The following CYP4F8 variants were observed in gnomAD, a reference collection of about 807,000 sequenced individuals.
The protein encoded by CYP4F8 is cytochrome P450 family 4 subfamily F member 8.
CYP4F8 carries 56 observed loss-of-function variants against 55.0 expected under a neutral mutation model. The observed-to-expected ratio is 1.02, with a 90% CI of 0.82 to 1.27. The LOEUF (loss-of-function observed/expected upper bound fraction) is 1.27. Among genes scored for constraint, CYP4F8 ranks in the 50% most tolerant of loss-of-function variants. The pLI is 0.00. For synonymous variants in CYP4F8, 288 were observed against 267.3 expected (o/e 1.08, Z -0.76); for missense variants, 680 against 682.4 (o/e 1.00, Z 0.04).
intron 2 of CYP4F8, 74 bp downstream of exon 2, chr19:15,615,888 C>A: frequency 1.2e-6 from 1 of 845,384 alleles, no homozygotes; most frequent in Non-Finnish European, 1.7e-6. Context: ...AGGGGGTGGG[C>A]TCGGGTCTGG....
rs143328598 is a variant in CYP4F8 at position 15,629,539 on chromosome 19, C to T, written c.*181C>T. 3 of 864,842 alleles carry T rather than the reference C, an allele frequency of 3.5e-6. No individual in the cohort carries two copies. Among genetic ancestry groups the T allele is most frequent in the Admixed American group, 3.4e-5 (1 of 29,026 alleles). The allele number at this position is 864,842 out of a possible 1,614,324, so 53.6% of individuals were successfully genotyped here. Reference sequence around the variant, plus strand: ...GCTGGGAAGAGGCGGGGAGATGTCTCTGTGCCCAAGATACTCACTGCCTCT... The same window carrying T: ...GCTGGGAAGAGGCGGGGAGATGTCTTTGTGCCCAAGATACTCACTGCCTCT... On this transcript the variant is annotated 3_prime_UTR_variant, in exon 13 of 13. Transcript: ENST00000612078.
chr19:15,618,588 ATT>A, intron 3 of CYP4F8: 2 of 298,356 alleles, frequency 6.7e-6, no homozygotes, highest in African/African-American at 2.2e-5. Context: ...ATGAGTGATA[ATT>A]TTTTTTTTAA....
At position 15,630,384 on chromosome 19, in the gene CYP4F8, C is replaced by G. The variant is rs1360880730; in HGVS notation, c.*1026C>G. The G allele has an allele frequency of 1.3e-5, 2 of 152,138 alleles. No homozygotes were observed. Among genetic ancestry groups the G allele is most frequent in the Non-Finnish European group, 2.9e-5 (2 of 68,030 alleles). 9.4% of individuals were successfully genotyped at this position (152,138 alleles called of 1,614,324 possible). On this transcript the variant is annotated 3_prime_UTR_variant, in exon 13 of 13. Transcript: ENST00000612078. ...TCTTTATTACCATGTGTATCCAATG[C>G]ATACCTCCCACTTATAAGTGAGAAC...
In CYP4F8 at chr19:15,617,982, C is replaced by T. The variant is rs766146856; in HGVS notation, c.199-18C>T. 3.7e-6 allele frequency: 6 copies of T among 1,611,544 alleles called. No individual in the cohort carries two copies. Among genetic ancestry groups the T allele is most frequent in the Non-Finnish European group, 5.1e-6 (6 of 1,178,460 alleles). On this transcript the variant is annotated intron_variant, in intron 2 of 12. Coordinates refer to ENST00000612078, the MANE Select transcript of CYP4F8 (RefSeq NM_007253.4). ...GTCAAGTGGACACAGGAGGTGATGG[C>T]CCTTGCCTTGCTTGCAGGTCACTCC...
rs142733524 is a variant in CYP4F8, at chr19:15,619,230, G to T, written c.344-260G>T. The stretch of plus-strand genomic sequence containing the variant: ...TGCTTGGGTGTTGCAGAACATGTTG[G>T]ACCATGTAGGAGCCATGTCAAGACA... On this transcript the variant is annotated intron_variant, in intron 3 of 12. Transcript: ENST00000612078. The T allele has an allele frequency of 8.7e-4, 403 of 462,598 alleles. 1 individual carries two copies. The highest frequency in any genetic ancestry group is 6.8e-3 in the African/African-American group (352 of 51,486). 28.7% of individuals were successfully genotyped at this position (462,598 alleles called of 1,614,324 possible).
intron 5 of CYP4F8, chr19:15,621,845 C>T (rs552429436): frequency 5.7e-6 from 1 of 174,212 alleles, no homozygotes; most frequent in East Asian, 1.8e-4. Flanking sequence ...GAGAGATTTC[C>T]CAAGTTCACC....
At chr19:15,622,082 A>C in intron 5 of CYP4F8, 137 bp from the exon 6 acceptor site, 1 of 1,171,938 alleles carries the variant, frequency 8.5e-7, no homozygotes, top group Non-Finnish European at 1.2e-6. Flanking sequence ...ACCCAAGCGT[A>C]GTCCTCCCTG....
chr19:15,621,815 A>C (rs1972197414), intron 5 of CYP4F8: 1 of 164,542 alleles, frequency 6.1e-6, no homozygotes, highest in Non-Finnish European at 1.3e-5. Flanking sequence ...AAATGGTGAA[A>C]CTGAGGGCCA....
intron 6 of CYP4F8, chr19:15,622,849 T>G: frequency 5.7e-6 from 3 of 523,862 alleles, no homozygotes; most frequent in Non-Finnish European, 1.0e-5. Flanking sequence ...TGGGGCAGAT[T>G]TGGGAGAAAC....
intron 2 of CYP4F8, among the ~76,000 whole-genome samples, 171 bp downstream of exon 2, chr19:15,615,985 TCAC>T (rs1972112413): frequency 6.7e-6 from 1 of 149,080 alleles, no homozygotes; most frequent in African/African-American, 2.5e-5. Context: ...ATTCCTCTCC[TCAC>T]TCACTCATTC....
intron 5 of CYP4F8, 149 bp from the exon 6 acceptor site, chr19:15,622,070 T>C: frequency 9.5e-7 from 1 of 1,052,642 alleles, no homozygotes; most frequent in Non-Finnish European, 1.3e-6. Context: ...GCTTCCACTC[T>C]CACCCAAGCG....
At chr19:15,619,568 C>T (rs777369441) in intron 4 of CYP4F8, 25 bp downstream of exon 4, 27 of 1,613,990 alleles carry the variant, frequency 1.7e-5, no homozygotes, top group Non-Finnish European at 2.0e-5. Flanking sequence ...GTGGACGGGA[C>T]GGGGACCAAC....
At chr19:15,626,623 A>ATCTG (rs2144611085) in intron 9 of CYP4F8, among the ~76,000 whole-genome samples, 1 of 145,322 alleles carries the variant, frequency 6.9e-6, no homozygotes, top group South Asian at 2.2e-4. Context: ...CTATCTATCT[A>ATCTG]TCTATCTATC....
chr19:15,626,543 G>A (rs1013048217), intron 9 of CYP4F8, among the ~76,000 whole-genome samples: 2 of 152,064 alleles, frequency 1.3e-5, no homozygotes, highest in South Asian at 2.1e-4. Context: ...TTTCACTTGG[G>A]TTACCTGTTC....
At position 15,629,341 on chromosome 19, in the gene CYP4F8, G is replaced by C. The variant is rs1333938947; in HGVS notation, c.1546G>C (p.Val516Leu). The C allele has an allele frequency of 1.9e-6, 3 of 1,610,672 alleles. No individual in the cohort carries two copies. Among genetic ancestry groups the C allele is most frequent in the Non-Finnish European group, 2.5e-6 (3 of 1,178,286 alleles). Residue 516 changes from valine to leucine, a missense_variant, in exon 13 of 13, where the codon GTA (valine) becomes CTA (leucine). By Grantham distance (32) the Val-to-Leu change is conservative. Transcript: ENST00000612078. The part of the protein sequence containing the change: ...LRAEDGLWLR[V>L]EPLG ...TGCGGAGGACGGACTTTGGCTGCGA[G>C]TAGAACCCCTGGGCTGAGGCCTGCA... is the stretch of plus-strand genomic sequence containing the variant.
chr19:15,622,387 T>A, intron 6 of CYP4F8, 47 bp downstream of exon 6: 1 of 792,812 alleles, frequency 1.3e-6, no homozygotes, highest in Non-Finnish European at 1.9e-6. Context: ...AGTGGGGGTG[T>A]GGGTGTGGGG....
chr19:15,626,695 T>A (rs1277996293), intron 9 of CYP4F8, among the ~76,000 whole-genome samples: 1 of 152,188 alleles, frequency 6.6e-6, no homozygotes, highest in Non-Finnish European at 1.5e-5. Flanking sequence ...GTTAATTGGG[T>A]CCACTGTATC....
intron 5 of CYP4F8, chr19:15,621,562 C>T (rs2144605535): frequency 6.6e-6 from 1 of 151,576 alleles, no homozygotes; most frequent in African/African-American, 2.4e-5. Context: ...CAAACAACAA[C>T]AACAACAAAA....
At position 15,617,970 on chromosome 19, in the gene CYP4F8, A is replaced by G. The variant is rs186777068; in HGVS notation, c.199-30A>G. ...TCCCTTAACCCAGTCAAGTGGACAC[A>G]GGAGGTGATGGCCCTTGCCTTGCTT... On this transcript the variant is annotated intron_variant, in intron 2 of 12. Transcript: ENST00000612078. 8.5e-4 allele frequency: 1,374 copies of G among 1,609,024 alleles called. 19 individuals carry two copies. The Admixed American group carries it at 0.022, about 25-fold the overall frequency.
Sources: gnomAD v4.1 joint callset for allele counts (sites outside exome capture counted in the v4.1 genomes callset) on GRCh38, gnomAD v4.1.1 for gene constraint, MANE v1.5 for transcripts, NCBI Gene and HGNC (gene_info 2026-07-23, HGNC 2026-07-21) for gene names.